Variants in MMP26 observed in about 807,000 individuals in gnomAD.
MMP26 encodes matrix metallopeptidase 26, also known as matrix metalloproteinase-26.
In MMP26, 33 loss-of-function variants were observed where a neutral mutation model predicts 31.0. The observed-to-expected ratio is 1.06, with a 90% CI of 0.81 to 1.42. The LOEUF (loss-of-function observed/expected upper bound fraction) is 1.42. Ranked by LOEUF, MMP26 falls within the 40% of genes most tolerant of loss-of-function variation. MMP26 has a pLI of 0.00. For synonymous variants in MMP26, 122 were observed against 114.9 expected (o/e 1.06, Z -0.40); for missense variants, 347 against 316.1 (o/e 1.10, Z -0.74).
intron 1 of MMP26, among the ~76,000 whole-genome samples, chr11:4,727,358 G>T (rs988535040): frequency 5.3e-5 from 8 of 151,944 alleles, no homozygotes; most frequent in Non-Finnish European, 1.0e-4. Flanking sequence ...CTGTTTAATA[G>T]CATTTGCTAA....
intron 2 of MMP26, among the ~76,000 whole-genome samples, chr11:4,843,857 G>C (rs1368005192): frequency 6.6e-6 from 1 of 152,084 alleles, no homozygotes; most frequent in Non-Finnish European, 1.5e-5. Flanking sequence ...TTCAGTTTCA[G>C]ATATAAGCTC....
chr11:4,975,581 G>A (rs920696248), intron 2 of MMP26, among the ~76,000 whole-genome samples: 2 of 152,068 alleles, frequency 1.3e-5, no homozygotes, highest in Non-Finnish European at 2.9e-5. Context: ...TGTATTTAAT[G>A]TTAAAATTGT....
At chr11:4,792,961 A>C (rs1288823994) in intron 2 of MMP26, among the ~76,000 whole-genome samples, 1 of 152,180 alleles carries the variant, frequency 6.6e-6, no homozygotes, top group East Asian at 1.9e-4. Flanking sequence ...CGTTTGTATC[A>C]GTAAAAACAA....
In MMP26 at chr11:4,992,233, C is replaced by T. The variant is rs201466409; in HGVS notation, c.777C>T (p.Asp259=). Residue 259 remains aspartate (D), a synonymous_variant, in exon 8 of 8, where the codon GAC becomes GAT. Transcript: ENST00000380390. ...QHLYGEKCSS[D]IP is the part of the protein sequence containing the mutation. ...CCATAGGAGAAAAATGTTCATCTGA[C>T]ATACCTTAATGTTAGCACAGAGGAC... 1.2e-6 allele frequency: 2 copies of T among 1,609,590 alleles called. No individual in the cohort carries two copies. Among genetic ancestry groups the T allele is most frequent in the East Asian group, 2.2e-5 (1 of 44,790 alleles).
At chr11:4,976,841 C>A (rs1846743989) in intron 2 of MMP26, among the ~76,000 whole-genome samples, 1 of 152,008 alleles carries the variant, frequency 6.6e-6, no homozygotes, top group Admixed American at 6.6e-5. Flanking sequence ...ATTGATTGCT[C>A]TTTCGCCTGC....
chr11:4,774,127 T>G (rs1307755322), intron 2 of MMP26, among the ~76,000 whole-genome samples: 1 of 152,226 alleles, frequency 6.6e-6, no homozygotes, highest in African/African-American at 2.4e-5. Context: ...TGTAACAGAA[T>G]AATTTCTATT....
At chr11:4,914,339 G>A (rs2133572892) in intron 2 of MMP26, 1 of 154,500 alleles carries the variant, frequency 6.5e-6, no homozygotes, top group Non-Finnish European at 1.4e-5. Context: ...GGAGGTGGAA[G>A]AGAGAGAGAG....
Position 4,848,438 on chromosome 11 carries a change from G to A in MMP26, c.-145+81097G>A, listed in dbSNP as rs200387383. 128 of 1,614,006 alleles carry A rather than the reference G, an allele frequency of 7.9e-5. 1 individual carries two copies. The South Asian group carries it at 1.4e-3, about 17-fold the overall frequency. ...CCAGGAGGATCATAGGGATATAGAA[G>A]AGGAGCACTGCAGAGAGGTGGGCAG... On this transcript the variant is annotated intron_variant, in intron 2 of 7. Transcript: ENST00000380390.
At chr11:4,920,462 A>C (rs181852031) in intron 2 of MMP26, among the ~76,000 whole-genome samples, 4 of 152,180 alleles carry the variant, frequency 2.6e-5, no homozygotes, top group African/African-American at 9.7e-5. Context: ...AGCCACTGAC[A>C]TTTGGAGATT....
intron 2 of MMP26, among the ~76,000 whole-genome samples, chr11:4,864,057 T>C (rs1850201676): frequency 6.6e-6 from 1 of 152,144 alleles, no homozygotes; most frequent in East Asian, 1.9e-4. Flanking sequence ...AAAGCCAGTC[T>C]CAGTCTCAGT....
intron 1 of MMP26, among the ~76,000 whole-genome samples, chr11:4,748,121 A>G (rs974409660): frequency 6.6e-5 from 10 of 152,090 alleles, no homozygotes; most frequent in African/African-American, 2.4e-4. Context: ...AGACATTACA[A>G]TTGATATCAT....
chr11:4,820,733 AC>A (rs1239651824), intron 2 of MMP26, among the ~76,000 whole-genome samples: 3 of 152,116 alleles, frequency 2.0e-5, no homozygotes, highest in Non-Finnish European at 2.9e-5. Context: ...TATAAAGATA[AC>A]ATTGGGTGAT....
At chr11:4,956,705 G>C (rs185691026) in intron 2 of MMP26, among the ~76,000 whole-genome samples, 1 of 152,254 alleles carries the variant, frequency 6.6e-6, no homozygotes, top group Non-Finnish European at 1.5e-5. Flanking sequence ...GGACCCATTA[G>C]ACATCGCTAA....
chr11:4,708,088 A>G (rs561877381), intron 1 of MMP26, among the ~76,000 whole-genome samples: 29 of 152,274 alleles, frequency 1.9e-4, no homozygotes, highest in African/African-American at 6.5e-4. Context: ...CTCAAGCCCT[A>G]TTATCAGGGC....
intron 1 of MMP26, among the ~76,000 whole-genome samples, chr11:4,737,268 T>C (rs2133289238): frequency 6.6e-6 from 1 of 152,296 alleles, no homozygotes; most frequent in Admixed American, 6.5e-5. Flanking sequence ...AGTTTTGATA[T>C]TTTTTTCCCT....
intron 2 of MMP26, among the ~76,000 whole-genome samples, chr11:4,975,651 A>C (rs1052781762): frequency 2.6e-5 from 4 of 152,000 alleles, no homozygotes; most frequent in East Asian, 1.9e-4. Flanking sequence ...ATCATTCTGC[A>C]TGGCTTTTGT....
At chr11:4,889,489 A>T (rs976836142) in intron 2 of MMP26, 11 of 152,212 alleles carry the variant, frequency 7.2e-5, no homozygotes, top group African/African-American at 2.4e-4. Context: ...CCAACTGTGT[A>T]TGAATAATTA....
chr11:4,819,566 A>ATTTTT (rs71050433), intron 2 of MMP26, among the ~76,000 whole-genome samples: 738 of 50,308 alleles, frequency 0.015, 80 homozygotes, highest in African/African-American at 0.035. Flanking sequence ...GAGTCGACTG[A>ATTTTT]TTTTTTTTTT....
At chr11:4,924,032 AGC>A (rs1564808148) in intron 2 of MMP26, 1 of 1,614,168 alleles carries the variant, frequency 6.2e-7, no homozygotes, top group East Asian at 2.2e-5. Context: ...GATGAAGAAG[AGC>A]TGAGTGAAAC....
Sources: gnomAD v4.1 joint callset for allele counts (sites outside exome capture counted in the v4.1 genomes callset) on GRCh38, gnomAD v4.1.1 for gene constraint, MANE v1.5 for transcripts, NCBI Gene and HGNC (gene_info 2026-07-23, HGNC 2026-07-21) for gene names.